CNKSR2: variants seen among roughly 807,000 people sequenced by gnomAD.
The protein encoded by CNKSR2 is connector enhancer of kinase suppressor of Ras 2, also known as CNK homolog protein 2.
CNKSR2 carries 14 observed loss-of-function variants against 84.4 expected under a neutral mutation model. The observed-to-expected ratio is 0.17, with a 90% CI of 0.11 to 0.26. CNKSR2 has a LOEUF of 0.26. Ranked by LOEUF, CNKSR2 falls within the 10% of genes least tolerant of loss-of-function variation. The pLI, the probability that CNKSR2 is intolerant of heterozygous loss-of-function variation, is 1.00. For synonymous variants in CNKSR2, 275 were observed against 277.9 expected, an observed-to-expected ratio of 0.99 and a Z score of 0.10; for missense variants, 485 against 771.2, an observed-to-expected ratio of 0.63 and a Z score of 4.40.
At chrX:21,465,620 A>C (rs1412589850) in intron 4 of CNKSR2, among the ~76,000 whole-genome samples, 1 of 111,433 alleles carries the variant, frequency 9.0e-6, no homozygotes, top group Non-Finnish European at 1.9e-5. Flanking sequence ...AAAATAAGAC[A>C]TATGGAAATT....
chrX:21,491,483 A>G (rs1453992160), intron 6 of CNKSR2: 1 of 112,260 alleles, frequency 8.9e-6, no homozygotes, highest in Non-Finnish European at 1.9e-5. Flanking sequence ...TCTTTTTCAT[A>G]CATCTATATA....
At chrX:21,432,492 T>G in intron 2 of CNKSR2, 120 bp from the exon 3 acceptor site, 1 of 515,757 alleles carries the variant, frequency 1.9e-6, no homozygotes, top group Non-Finnish European at 3.3e-6. Context: ...GAATCCTATC[T>G]TATTCATTTG....
intron 20 of CNKSR2, among the ~76,000 whole-genome samples, chrX:21,633,417 T>C (rs73203347): frequency 0.038 from 4,283 of 112,692 alleles, 89 homozygotes; most frequent in Non-Finnish European, 0.06. Context: ...AAAGGTGCCG[T>C]AAATTAGTTT....
At chrX:21,588,501 TATA>T in intron 13 of CNKSR2, among the ~76,000 whole-genome samples, 1 of 112,562 alleles carries the variant, frequency 8.9e-6, no homozygotes, top group East Asian at 2.8e-4. Flanking sequence ...TTTTAATATT[TATA>T]ATATCTTTAA....
intron 11 of CNKSR2, among the ~76,000 whole-genome samples, chrX:21,551,164 A>G (rs2092087409): frequency 9.0e-6 from 1 of 111,061 alleles, no homozygotes; most frequent in Non-Finnish European, 1.9e-5. Context: ...GAGTTGAACA[A>G]TGAAAACACA....
chrX:21,458,008 A>AGG (rs2091015799), intron 4 of CNKSR2, among the ~76,000 whole-genome samples: 1 of 111,944 alleles, frequency 8.9e-6, no homozygotes, highest in African/African-American at 3.2e-5. Flanking sequence ...AGGAATAAGA[A>AGG]GGGATACATC....
At chrX:21,549,893 C>T (rs1043037634) in intron 11 of CNKSR2, among the ~76,000 whole-genome samples, 1 of 112,013 alleles carries the variant, frequency 8.9e-6, no homozygotes, top group Non-Finnish European at 1.9e-5. Flanking sequence ...TGGACCCCTT[C>T]CTTACACCTT....
chrX:21,396,016 C>A (rs1263173439), intron 1 of CNKSR2, among the ~76,000 whole-genome samples: 2 of 111,594 alleles, frequency 1.8e-5, no homozygotes, highest in African/African-American at 6.5e-5. Flanking sequence ...GGTTACAAAT[C>A]TTTCTCCTTT....
intron 20 of CNKSR2, among the ~76,000 whole-genome samples, chrX:21,628,690 C>T (rs1213151104): frequency 2.7e-5 from 3 of 111,044 alleles, no homozygotes; most frequent in Admixed American, 9.6e-5. Flanking sequence ...GGACACAGGG[C>T]GCCACACCTG....
chrX:21,424,058 G>A (rs1243650617), intron 1 of CNKSR2: 3 of 111,310 alleles, frequency 2.7e-5, no homozygotes, highest in African/African-American at 9.8e-5. Context: ...TGGTTTGCCT[G>A]TGAGTTACTT....
At chrX:21,556,838 G>C (rs2092144305) in intron 11 of CNKSR2, among the ~76,000 whole-genome samples, 1 of 110,644 alleles carries the variant, frequency 9.0e-6, no homozygotes, top group Non-Finnish European at 1.9e-5. Context: ...GTAGAGGTTT[G>C]TGGGGTGAGG....
chrX:21,601,481 G>A (rs1435107688), intron 18 of CNKSR2, 132 bp downstream of exon 18: 1 of 428,974 alleles, frequency 2.3e-6, no homozygotes, highest in Non-Finnish European at 3.9e-6. Context: ...AGGCACTTAA[G>A]TGAGGTTTAA....
chrX:21,565,905 A>G (rs763701346), intron 13 of CNKSR2, among the ~76,000 whole-genome samples: 6 of 111,277 alleles, frequency 5.4e-5, no homozygotes, highest in Non-Finnish European at 1.1e-4. Flanking sequence ...CAGCAACCCT[A>G]TTTGCAAATA....
intron 20 of CNKSR2, among the ~76,000 whole-genome samples, chrX:21,616,831 C>T (rs2092578953): frequency 9.0e-6 from 1 of 111,314 alleles, no homozygotes; most frequent in Non-Finnish European, 1.9e-5. Context: ...GTTAACACTC[C>T]TAGTCGTCCA....
intron 20 of CNKSR2, among the ~76,000 whole-genome samples, chrX:21,639,671 C>A (rs913606195): frequency 1.8e-5 from 2 of 111,279 alleles, no homozygotes; most frequent in Non-Finnish European, 3.8e-5. Flanking sequence ...TGTGAAGTCC[C>A]CAAACTCAGG....
chrX:21,585,738 A>G (rs2092383038), intron 13 of CNKSR2, among the ~76,000 whole-genome samples: 1 of 111,440 alleles, frequency 9.0e-6, no homozygotes, highest in African/African-American at 3.3e-5. Context: ...AAGTTGCTAA[A>G]GGTCAGAATT....
intron 6 of CNKSR2, among the ~76,000 whole-genome samples, chrX:21,497,240 G>T (rs1455460472): frequency 3.6e-5 from 4 of 110,896 alleles, no homozygotes; most frequent in Non-Finnish European, 3.8e-5. Flanking sequence ...GATATAATTA[G>T]TAAAACTTTA....
chrX:21,408,873 C>T (rs1253156425), intron 1 of CNKSR2, among the ~76,000 whole-genome samples: 4 of 110,111 alleles, frequency 3.6e-5, no homozygotes, highest in Admixed American at 2.0e-4. Context: ...ACAGGAGAAT[C>T]GTAAGAACAT....
Position 21,467,245 on chromosome X carries a change from A to G in CNKSR2, c.520-3521A>G, listed in dbSNP as rs183196971. ...TTCTCGAAATACCATCTTTATAAAT[A>G]TCATCTTGGAGGCCTCACTCTGAAT... On this transcript the variant is annotated intron_variant, in intron 4 of 21. Coordinates refer to ENST00000379510, the MANE Select transcript of CNKSR2 (RefSeq NM_014927.5). 4.5e-5 allele frequency among the ~76,000 whole-genome samples: 5 copies of G among 111,482 alleles called. No homozygotes were observed. The East Asian group carries it at 1.4e-3, about 31-fold the overall frequency.
Sources: gnomAD v4.1 joint callset for allele counts (sites outside exome capture counted in the v4.1 genomes callset) on GRCh38, gnomAD v4.1.1 for gene constraint, MANE v1.5 for transcripts, NCBI Gene and HGNC (gene_info 2026-07-23, HGNC 2026-07-21) for gene names.